Variants in PARM1 observed in about 807,000 individuals in gnomAD.
PARM1 encodes the protein prostate androgen-regulated mucin-like protein 1.
In PARM1, 14 loss-of-function variants were observed where a neutral mutation model predicts 24.6. The ratio of observed to expected loss-of-function variants is 0.57; its 90% confidence interval spans 0.38 to 0.89. The LOEUF is 0.89. Among genes scored for constraint, PARM1 ranks in the 40% least tolerant of loss-of-function variants. The pLI, the probability that PARM1 is intolerant of heterozygous loss-of-function variation, is 0.00. For missense variants in PARM1, 362 were observed against 380.4 expected (o/e 0.95, Z 0.40); for synonymous variants, 179 against 156.6 (o/e 1.14, Z -1.07).
chr4:75,010,550 T>A (rs1398410874), intron 1 of PARM1, among the ~76,000 whole-genome samples: 2 of 152,198 alleles, frequency 1.3e-5, no homozygotes, highest in African/African-American at 2.4e-5. Flanking sequence ...AAAATTTTTT[T>A]AAATAGACAA....
At chr4:75,008,635 A>G in intron 1 of PARM1, among the ~76,000 whole-genome samples, 1 of 152,204 alleles carries the variant, frequency 6.6e-6, no homozygotes, top group East Asian at 1.9e-4. Context: ...TGGTATCAGT[A>G]CAGAATTTAT....
chr4:75,034,941 C>T (rs536508119), intron 3 of PARM1: 20 of 152,580 alleles, frequency 1.3e-4, no homozygotes, highest in African/African-American at 4.8e-4. Context: ...GCCTGCCTCC[C>T]CTTTTCCAAT....
At chr4:75,046,033 C>T (rs1390255123) in intron 3 of PARM1, 130 bp from the exon 4 acceptor site, 3 of 633,174 alleles carry the variant, frequency 4.7e-6, no homozygotes, top group African/African-American at 3.7e-5. Context: ...GTCTGCTGTC[C>T]TAGTGAGAGC....
chr4:75,032,682 A>G (rs1170000673), intron 2 of PARM1, among the ~76,000 whole-genome samples: 1 of 152,196 alleles, frequency 6.6e-6, no homozygotes, highest in East Asian at 1.9e-4. Context: ...CCTCTGTCTC[A>G]GCAGGTAAGT....
chr4:74,954,780 G>T lies in PARM1; in HGVS notation c.43+21410G>T, dbSNP rs1721600309. On this transcript the variant is annotated intron_variant, in intron 1 of 3. Transcript: ENST00000307428. ...CTCTTCACCAAGGCTCCTAAATGTA[G>T]AAATTATATTGTTTATGCATTTTCT... Among the ~76,000 whole-genome samples the T allele has an allele frequency of 2.0e-5, 3 of 152,170 alleles. No homozygotes were observed. In the South Asian group the frequency reaches 6.2e-4, roughly 32 times the overall value.
chr4:74,952,283 T>C (rs1167276295), intron 1 of PARM1, among the ~76,000 whole-genome samples: 1 of 152,118 alleles, frequency 6.6e-6, no homozygotes, highest in Non-Finnish European at 1.5e-5. Flanking sequence ...TTTAATGGGG[T>C]TGTTTATTTT....
chr4:75,019,934 C>T (rs554879574), intron 2 of PARM1, among the ~76,000 whole-genome samples: 26 of 133,250 alleles, frequency 2.0e-4, no homozygotes, highest in African/African-American at 5.9e-4. Flanking sequence ...ACCCAGGAAG[C>T]GGAGCTTGCA....
At chr4:74,995,302 G>T (rs1722555974) in intron 1 of PARM1, among the ~76,000 whole-genome samples, 1 of 152,134 alleles carries the variant, frequency 6.6e-6, no homozygotes, top group Non-Finnish European at 1.5e-5. Context: ...CGATTTAAGA[G>T]GCCATCATGG....
intron 2 of PARM1, among the ~76,000 whole-genome samples, chr4:75,027,056 G>C (rs1553973091): frequency 6.6e-6 from 1 of 152,094 alleles, no homozygotes; most frequent in Non-Finnish European, 1.5e-5. Context: ...TCAGAGAACA[G>C]CTTCATTCCC....
chr4:74,967,762 G>T (rs1465418837), intron 1 of PARM1: 1 of 152,186 alleles, frequency 6.6e-6, no homozygotes, highest in Non-Finnish European at 1.5e-5. Context: ...TTAACTTGTG[G>T]TTTTTCCTTG....
At chr4:75,004,592 G>A (rs1341817671) in intron 1 of PARM1, among the ~76,000 whole-genome samples, 2 of 152,176 alleles carry the variant, frequency 1.3e-5, no homozygotes, top group South Asian at 2.1e-4. Context: ...TGACAAGACC[G>A]CACTGCTCAT....
rs1723186229 is a variant in PARM1, at chr4:75,026,576, T to C, written c.770-7307T>C. Among the ~76,000 whole-genome samples, 4 of 152,334 alleles carry C rather than the reference T, an allele frequency of 2.6e-5. No individual in the cohort carries two copies. In the South Asian group the frequency reaches 8.3e-4, roughly 32 times the overall value. On this transcript the variant is annotated intron_variant, in intron 2 of 3. Transcript: ENST00000307428. ...ATTTTGCATAAAAGGTGCATCCTTA[T>C]TCCCAAAGCACTTCCATGGTCCCTG...
chr4:74,971,661 T>C (rs1489339781), intron 1 of PARM1, among the ~76,000 whole-genome samples: 2 of 152,200 alleles, frequency 1.3e-5, no homozygotes, highest in East Asian at 3.9e-4. Context: ...AAATAAAGCA[T>C]GAGGGTGAGG....
chr4:75,010,868 G>A (rs557749831), intron 1 of PARM1, among the ~76,000 whole-genome samples: 1 of 152,306 alleles, frequency 6.6e-6, no homozygotes, highest in African/African-American at 2.4e-5. Flanking sequence ...AGGAATACCT[G>A]AGGCCGGGTA....
intron 1 of PARM1, among the ~76,000 whole-genome samples, chr4:74,986,648 G>T (rs1435836491): frequency 6.6e-6 from 1 of 152,216 alleles, no homozygotes; most frequent in Non-Finnish European, 1.5e-5. Context: ...TCCAACACAA[G>T]GGGGTGGAAA....
At position 75,018,888 on chromosome 4, in the gene PARM1, T is replaced by C. The variant is rs72860998; in HGVS notation, c.769+5738T>C. 3.9e-3 allele frequency among the ~76,000 whole-genome samples: 601 copies of C among 152,322 alleles called. 1 individual carries two copies. The highest frequency in any genetic ancestry group is 0.013 in the African/African-American group (559 of 41,576). ...GACAGACCCAAAGCCAAGTGTTCCT[T>C]TCACAATGCCCATCCTACCCGAATT... On this transcript the variant is annotated intron_variant, in intron 2 of 3. Transcript: ENST00000307428.
At chr4:75,032,428 C>T (rs987290088) in intron 2 of PARM1, among the ~76,000 whole-genome samples, 14 of 151,850 alleles carry the variant, frequency 9.2e-5, no homozygotes, top group South Asian at 2.1e-4. Flanking sequence ...GCTAATAAAA[C>T]GAACAGTAAC....
rs1012403612 is a variant in PARM1 at position 74,949,127 on chromosome 4, A to G, written c.43+15757A>G. On this transcript the variant is annotated intron_variant, in intron 1 of 3. Transcript: ENST00000307428. ...CATTACCTGAACATCCTTATGAAAT[A>G]AAATTTCACTCCAGACAAGTGAATG... Among the ~76,000 whole-genome samples the G allele has an allele frequency of 3.9e-5, 6 of 152,330 alleles. No homozygotes were observed. In the South Asian group the frequency reaches 6.2e-4, roughly 16 times the overall value.
chr4:75,040,120 CT>C (rs1192991251), intron 3 of PARM1, among the ~76,000 whole-genome samples: 1 of 152,156 alleles, frequency 6.6e-6, no homozygotes, highest in African/African-American at 2.4e-5. Context: ...GTTCATGAGT[CT>C]GAATAGGAAA....
Sources: allele counts gnomAD v4.1 joint callset (sites outside exome capture counted in the v4.1 genomes callset), GRCh38; gene constraint gnomAD v4.1.1; transcripts MANE v1.5; gene names NCBI Gene and HGNC (gene_info 2026-07-23, HGNC 2026-07-21).